TRPM3: variants seen among roughly 807,000 people sequenced by gnomAD.
The protein encoded by TRPM3 is long transient receptor potential channel 3.
TRPM3 carries 77 observed loss-of-function variants against 181.2 expected under a neutral mutation model. That is an observed-to-expected ratio of 0.42 (90% confidence interval 0.35 to 0.51). The LOEUF is 0.51. Among genes scored for constraint, TRPM3 ranks in the 20% least tolerant of loss-of-function variants. The pLI, the probability that TRPM3 is intolerant of heterozygous loss-of-function variation, is 0.01. For synonymous variants in TRPM3, 745 were observed against 796.4 expected, an observed-to-expected ratio of 0.94 and a Z score of 1.09; for missense variants, 1,759 against 2,196.7, an observed-to-expected ratio of 0.80 and a Z score of 3.98.
chr9:71,379,935 G>A (rs1405804054), intron 1 of TRPM3, among the ~76,000 whole-genome samples: 1 of 151,912 alleles, frequency 6.6e-6, no homozygotes, highest in Non-Finnish European at 1.5e-5. Context: ...TGTATGCCAG[G>A]TTCTTGTTCT....
intron 1 of TRPM3, among the ~76,000 whole-genome samples, chr9:71,098,688 C>T (rs1234806407): frequency 6.6e-6 from 1 of 152,146 alleles, no homozygotes; most frequent in African/African-American, 2.4e-5. Flanking sequence ...CATTCCCTGA[C>T]CACACTGGCC....
chr9:71,341,681 AAG>A (rs2090973700), intron 1 of TRPM3, among the ~76,000 whole-genome samples: 1 of 77,876 alleles, frequency 1.3e-5, no homozygotes, highest in Admixed American at 1.8e-4. Flanking sequence ...AAAAAAAAAA[AAG>A]AAAAAACTGG....
intron 1 of TRPM3, among the ~76,000 whole-genome samples, chr9:70,872,529 A>G (rs2095805532): frequency 6.6e-6 from 1 of 151,884 alleles, no homozygotes; most frequent in African/African-American, 2.4e-5. Context: ...TGACCATCCT[A>G]TCTAAAAGCA....
At chr9:70,915,879 A>G (rs2096589302) in intron 1 of TRPM3, among the ~76,000 whole-genome samples, 1 of 152,190 alleles carries the variant, frequency 6.6e-6, no homozygotes, top group South Asian at 2.1e-4. Context: ...TCAATATCCA[A>G]GTACAAGAAG....
intron 1 of TRPM3, among the ~76,000 whole-genome samples, chr9:71,026,372 T>C (rs1280937947): frequency 1.3e-5 from 2 of 152,130 alleles, no homozygotes. Flanking sequence ...TCATAGCTGC[T>C]GTGCTGGCAG....
chr9:71,184,963 A>C (rs2134945227), intron 1 of TRPM3, among the ~76,000 whole-genome samples: 1 of 152,264 alleles, frequency 6.6e-6, no homozygotes, highest in South Asian at 2.1e-4. Flanking sequence ...ACACACACAA[A>C]TACACAAATT....
chr9:70,918,735 C>G lies in TRPM3; in HGVS notation c.178-54224G>C, dbSNP rs533297925. On this transcript the variant is annotated intron_variant, in intron 1 of 25. Coordinates refer to ENST00000677713, the MANE Select transcript of TRPM3 (RefSeq NM_001366145.2). ...TAGAAAAGTAAGAGCAAAGCAAACCCAAAATTAGTAGAAGAAAAGAAATAA... is the reference window on the plus strand; with the variant it reads ...TAGAAAAGTAAGAGCAAAGCAAACCGAAAATTAGTAGAAGAAAAGAAATAA... 2.0e-5 allele frequency among the ~76,000 whole-genome samples: 3 copies of G among 151,940 alleles called. No homozygotes were observed. In the East Asian group the frequency reaches 5.8e-4, roughly 29 times the overall value.
At chr9:70,968,227 A>T (rs2097204947) in intron 1 of TRPM3, among the ~76,000 whole-genome samples, 1 of 152,170 alleles carries the variant, frequency 6.6e-6, no homozygotes, top group African/African-American at 2.4e-5. Flanking sequence ...TGATAAATTA[A>T]GGGCTTCTTT....
intron 1 of TRPM3, among the ~76,000 whole-genome samples, chr9:71,136,039 C>A (rs955245187): frequency 1.3e-5 from 2 of 152,288 alleles, no homozygotes; most frequent in South Asian, 4.1e-4. Flanking sequence ...TTAATTCAAT[C>A]AATTCCTCTA....
Position 71,121,545 on chromosome 9 carries a change from G to A in TRPM3, c.-191C>T. 1 of 1,386,010 alleles carries A rather than the reference G, an allele frequency of 7.2e-7. No individual in the cohort carries two copies. The highest frequency in any genetic ancestry group is 1.8e-5 in the South Asian group (1 of 54,888). 85.9% of individuals were successfully genotyped at this position (1,386,010 alleles called of 1,614,324 possible). ...ACACTGCCTGCTGCTTCGGGGAGGG[G>A]ATGCACGATTTTGAAGAAGAGGGAC... is the stretch of plus-strand genomic sequence containing the variant. On this transcript the variant is annotated 5_prime_UTR_variant, in exon 1 of 26. Coordinates refer to ENST00000677713, the MANE Select transcript of TRPM3 (RefSeq NM_001366145.2).
intron 1 of TRPM3, among the ~76,000 whole-genome samples, chr9:70,879,147 G>T (rs2095932690): frequency 1.3e-5 from 2 of 152,056 alleles, no homozygotes; most frequent in African/African-American, 4.8e-5. Context: ...ATGTGATGCA[G>T]CTGGAAGGCA....
chr9:71,361,518 T>C (rs1176100278), intron 1 of TRPM3, among the ~76,000 whole-genome samples: 1 of 152,156 alleles, frequency 6.6e-6, no homozygotes, highest in Non-Finnish European at 1.5e-5. Context: ...AATTGTTGAT[T>C]AGAACGTAGT....
At chr9:70,545,418 A>C (rs1292262109) in intron 25 of TRPM3, among the ~76,000 whole-genome samples, 1 of 152,224 alleles carries the variant, frequency 6.6e-6, no homozygotes, top group Non-Finnish European at 1.5e-5. Context: ...GATCTGCTGG[A>C]AAGCAGGATA....
intron 1 of TRPM3, chr9:70,917,272 A>C: frequency 1.4e-6 from 2 of 1,476,488 alleles, no homozygotes; most frequent in Non-Finnish European, 1.9e-6. Flanking sequence ...CCAATTCAGC[A>C]TAGTCAATTA....
Position 71,270,338 on chromosome 9 carries a change from G to A in TRPM3, c.183+176315C>T, listed in dbSNP as rs557050854. ...GCACTCTAGCCTGGGCGACAAGAGC[G>A]AGACTCCATCTCAAAAACAAACAAA... On this transcript the variant is annotated intron_variant, in intron 1 of 24. Coordinates refer to the TRPM3 transcript ENST00000357533. Among the ~76,000 whole-genome samples, 4 of 152,270 alleles carry A rather than the reference G, an allele frequency of 2.6e-5. No individual in the cohort carries two copies. The South Asian group carries it at 8.3e-4, about 32-fold the overall frequency.
chr9:71,215,231 T>G (rs1009738081), intron 1 of TRPM3, among the ~76,000 whole-genome samples: 141 of 152,324 alleles, frequency 9.3e-4, no homozygotes, highest in African/African-American at 3.2e-3. Flanking sequence ...TACTTCTTAA[T>G]GTATGTTAAT....
At chr9:70,660,653 T>C (rs1296524734) in intron 9 of TRPM3, among the ~76,000 whole-genome samples, 2 of 152,086 alleles carry the variant, frequency 1.3e-5, no homozygotes, top group Non-Finnish European at 2.9e-5. Context: ...AAGGCTACTA[T>C]GAACATCTTT....
intron 1 of TRPM3, among the ~76,000 whole-genome samples, chr9:71,004,725 A>T (rs893344744): frequency 2.0e-5 from 3 of 152,200 alleles, no homozygotes; most frequent in Non-Finnish European, 4.4e-5. Context: ...GTGGATAGAT[A>T]ACTAAATGAA....
At chr9:71,269,407 A>G (rs968007113) in intron 1 of TRPM3, among the ~76,000 whole-genome samples, 4 of 152,206 alleles carry the variant, frequency 2.6e-5, no homozygotes, top group African/African-American at 9.6e-5. Context: ...AAAACTGAAC[A>G]CATTCCTTCT....
Sources: allele counts gnomAD v4.1 joint callset (sites outside exome capture counted in the v4.1 genomes callset), GRCh38; gene constraint gnomAD v4.1.1; transcripts MANE v1.5; gene names NCBI Gene and HGNC (gene_info 2026-07-23, HGNC 2026-07-21).